Variants in ZNF91 observed in about 807,000 individuals in gnomAD.
ZNF91 encodes the protein zinc finger protein 91, also known as zinc finger protein 91 (HPF7, HTF10).
A neutral mutation model predicts 12.6 loss-of-function variants in ZNF91; 7 were observed. The ratio of observed to expected loss-of-function variants is 0.55; its 90% CI spans 0.31 to 1.04. The LOEUF (loss-of-function observed/expected upper bound fraction) is 1.04, where lower values mean the gene tolerates loss of function less well. Among genes scored for constraint, ZNF91 ranks in the 50% least tolerant of loss-of-function variants. The pLI is 0.05. For synonymous variants in ZNF91, 453 were observed against 462.6 expected, an observed-to-expected ratio of 0.98 and a Z score of 0.27; for missense variants, 1,217 against 1,385.4, an observed-to-expected ratio of 0.88 and a Z score of 1.93.
intron 1 of ZNF91, among the ~76,000 whole-genome samples, chr19:23,378,243 T>C (rs982482126): frequency 3.3e-5 from 5 of 152,160 alleles, no homozygotes; most frequent in Non-Finnish European, 7.3e-5. Flanking sequence ...GCACCAACTC[T>C]AAAAAGGCAA....
intron 1 of ZNF91, among the ~76,000 whole-genome samples, chr19:23,390,486 CT>C (rs1346908987): frequency 6.6e-6 from 1 of 152,088 alleles, no homozygotes; most frequent in African/African-American, 2.4e-5. Context: ...CGGAAAAACC[CT>C]TTTCATTATG....
intron 1 of ZNF91, chr19:23,325,824 T>A (rs190781594): frequency 6.6e-6 from 1 of 152,474 alleles, no homozygotes; most frequent in East Asian, 1.9e-4. Context: ...CTGCTGTTTA[T>A]CTTCCACCCT....
At chr19:23,318,247 C>A (rs1358889824) in intron 1 of ZNF91, among the ~76,000 whole-genome samples, 1 of 152,118 alleles carries the variant, frequency 6.6e-6, no homozygotes, top group African/African-American at 2.4e-5. Flanking sequence ...TTACTGGGTC[C>A]AAAACTCAGA....
chr19:23,357,064 T>C (rs1461912420), downstream of ZNF91, among the ~76,000 whole-genome samples: 5 of 152,246 alleles, frequency 3.3e-5, no homozygotes, highest in East Asian at 7.7e-4. Flanking sequence ...CCGTCTCTAC[T>C]AAAAATACAA....
intron 1 of ZNF91, among the ~76,000 whole-genome samples, chr19:23,394,833 T>C (rs1249261179): frequency 5.3e-5 from 8 of 152,248 alleles, no homozygotes; most frequent in Admixed American, 5.2e-4. Context: ...AGGCCTTTCA[T>C]AGACCACAAA....
At chr19:23,362,832 T>C (rs938351259) in intron 3 of ZNF91, 107 bp from the exon 4 acceptor site, 2 of 1,264,042 alleles carry the variant, frequency 1.6e-6, no homozygotes, top group African/African-American at 1.5e-5. Context: ...ATAAACAATA[T>C]GGCACTGCAA....
chr19:23,392,152 T>C (rs1970086354), intron 1 of ZNF91, among the ~76,000 whole-genome samples: 2 of 151,942 alleles, frequency 1.3e-5, no homozygotes, highest in African/African-American at 2.4e-5. Flanking sequence ...TTCCAGCACG[T>C]TGGGAGGCTG....
At chr19:23,366,638 C>T (rs1969025748) in intron 3 of ZNF91, among the ~76,000 whole-genome samples, 1 of 152,192 alleles carries the variant, frequency 6.6e-6, no homozygotes, top group Admixed American at 6.5e-5. Context: ...CGAAGATTAA[C>T]TGTACACACC....
intron 2 of ZNF91, among the ~76,000 whole-genome samples, chr19:23,374,218 T>G (rs1969411412): frequency 6.6e-6 from 1 of 151,914 alleles, no homozygotes; most frequent in South Asian, 2.1e-4. Context: ...TCCCCAGGAT[T>G]TTCTTGAAAA....
rs756795499 is a variant in ZNF91, at chr19:23,360,697, T to C, written c.2282A>G (p.Lys761Arg). The change falls in exon 4 of 4, where the codon AAA (lysine) becomes AGA (arginine). Residue 761 changes from lysine (K) to arginine (R), a missense_variant. This residue lies in a region of ZNF91 where 726 missense variants were observed against 895.5 expected (regional missense o/e 0.81). Coordinates refer to ENST00000300619, the MANE Select transcript of ZNF91 (RefSeq NM_003430.4). ...FNWSSSLTKHKRIHTREKPFK... is the reference protein window; with the variant it reads ...FNWSSSLTKHRRIHTREKPFK... ...GGGTTTCTCTCTAGTATGAATTCTT[T>C]TATGTTTAGTAAGGCTTGAGGACCA... 1.9e-6 allele frequency: 3 copies of C among 1,613,988 alleles called. No individual in the cohort carries two copies. Among genetic ancestry groups the C allele is most frequent in the Non-Finnish European group, 1.7e-6 (2 of 1,179,916 alleles).
chr19:23,322,314 T>C (rs975967314), intron 1 of ZNF91, among the ~76,000 whole-genome samples: 2 of 152,136 alleles, frequency 1.3e-5, no homozygotes, highest in Non-Finnish European at 2.9e-5. Context: ...CTAGGTGATA[T>C]GGCTCTCCTC....
At position 23,359,118 on chromosome 19, in the gene ZNF91, G is replaced by A; in HGVS notation, c.*285C>T. The A allele has an allele frequency of 5.4e-6, 3 of 557,042 alleles. No homozygotes were observed. Among genetic ancestry groups the A allele is most frequent in the Non-Finnish European group, 1.0e-5 (3 of 292,026 alleles). The allele number at this position is 557,042 out of a possible 1,614,324, so 34.5% of individuals were successfully genotyped here. A position where few individuals can be genotyped will look rare whatever the true frequency, so the allele number is the denominator to read the frequency against. On this transcript the variant is annotated 3_prime_UTR_variant, in exon 4 of 4. Transcript: ENST00000300619. ...ATTTGCCACATTCTTCACATTTGTA[G>A]AGTTTTACTCCAGTATGAATTACCT...
intron 1 of ZNF91, chr19:23,326,107 ATATTT>A (rs1422155450): frequency 6.6e-6 from 1 of 152,136 alleles, no homozygotes; most frequent in Non-Finnish European, 1.5e-5. Context: ...CCAGCAAAGA[ATATTT>A]ACTCTTTACT....
intron 3 of ZNF91, among the ~76,000 whole-genome samples, chr19:23,366,336 C>T (rs1269450288): frequency 6.6e-6 from 1 of 152,190 alleles, no homozygotes; most frequent in Non-Finnish European, 1.5e-5. Flanking sequence ...TGCTTAAAAT[C>T]CTTAAAGATC....
intron 1 of ZNF91, among the ~76,000 whole-genome samples, chr19:23,375,219 G>T (rs1454916463): frequency 6.6e-6 from 1 of 151,460 alleles, no homozygotes; most frequent in Admixed American, 6.6e-5. Context: ...GGAGCACAGT[G>T]GCGCAATCTC....
At position 23,360,377 on chromosome 19, in the gene ZNF91, T is replaced by C. The variant is rs1244199752; in HGVS notation, c.2602A>G (p.Asn868Asp). The C allele has an allele frequency of 6.2e-7, 1 of 1,614,106 alleles. No individual in the cohort carries two copies. The highest frequency in any genetic ancestry group is 1.1e-5 in the South Asian group (1 of 91,074). The change falls in exon 4 of 4, where the codon AAT becomes GAT. Residue 868 changes from asparagine (N) to aspartate (D), a missense_variant. Transcript: ENST00000300619. ...ECGKAFNQSSNLTTHKIIHTK... is the reference protein window; with the variant it reads ...ECGKAFNQSSDLTTHKIIHTK... ...TGAATTATCTTATGTGTCGTAAGAT[T>C]TGAAGATTGATTAAAAGCTTTGCCA...
At chr19:23,372,203 G>A (rs1258383444) in intron 3 of ZNF91, among the ~76,000 whole-genome samples, 1 of 151,668 alleles carries the variant, frequency 6.6e-6, no homozygotes, top group African/African-American at 2.4e-5. Context: ...AAATTTATAT[G>A]GAGAGTGACA....
At chr19:23,332,534 C>T (rs984523058) in intron 1 of ZNF91, among the ~76,000 whole-genome samples, 7 of 152,222 alleles carry the variant, frequency 4.6e-5, no homozygotes, top group African/African-American at 1.2e-4. Flanking sequence ...CATAGAGACA[C>T]GATTCGTTCA....
downstream of ZNF91, among the ~76,000 whole-genome samples, chr19:23,337,304 A>G (rs1968030708): frequency 6.6e-6 from 1 of 152,046 alleles, no homozygotes. Context: ...ATATGTATTT[A>G]TAAACACACA....
Sources: gnomAD v4.1 joint callset for allele counts (sites outside exome capture counted in the v4.1 genomes callset) on GRCh38, gnomAD v4.1.1 for gene constraint, gnomAD v4.1.1 regional missense constraint, MANE v1.5 for transcripts, NCBI Gene and HGNC (gene_info 2026-07-23, HGNC 2026-07-21) for gene names.